The following CCDC192 variants were observed in gnomAD, a reference collection of about 807,000 sequenced individuals.
The protein encoded by CCDC192 is coiled-coil domain-containing protein 192.
intron 5 of CCDC192, among the ~76,000 whole-genome samples, chr5:127,832,801 A>C (rs1330185320): frequency 1.3e-5 from 2 of 152,132 alleles, no homozygotes; most frequent in Non-Finnish European, 2.9e-5. Flanking sequence ...AAACCAAACA[A>C]AATAAAAATT....
chr5:127,703,343 A>C, upstream of CCDC192: 1 of 398,304 alleles, frequency 2.5e-6, no homozygotes, highest in Non-Finnish European at 4.4e-6. Flanking sequence ...GTAGCCTAGC[A>C]ACAAGGGACA....
intron 5 of CCDC192, among the ~76,000 whole-genome samples, chr5:127,853,236 A>G (rs1402504549): frequency 6.6e-6 from 1 of 152,208 alleles, no homozygotes; most frequent in Non-Finnish European, 1.5e-5. Flanking sequence ...GGGACTATCT[A>G]TGCCCCATAT....
chr5:127,793,625 A>G (rs778899536), intron 3 of CCDC192, among the ~76,000 whole-genome samples: 1 of 152,236 alleles, frequency 6.6e-6, no homozygotes, highest in Non-Finnish European at 1.5e-5. Context: ...GCATTAAAGC[A>G]TTTAGTTTCT....
intron 6 of CCDC192, among the ~76,000 whole-genome samples, chr5:127,888,649 G>A (rs987397174): frequency 2.6e-5 from 4 of 152,086 alleles, no homozygotes; most frequent in African/African-American, 9.7e-5. Context: ...AGAAGCAAAA[G>A]TTAGAATTGA....
chr5:127,904,929 C>T (rs1490702579), intron 6 of CCDC192, among the ~76,000 whole-genome samples: 1 of 152,050 alleles, frequency 6.6e-6, no homozygotes, highest in African/African-American at 2.4e-5. Flanking sequence ...CAGATGTCAC[C>T]TTCCAGGCTC....
At chr5:127,776,699 C>T (rs1367635720) in intron 3 of CCDC192, among the ~76,000 whole-genome samples, 1 of 152,188 alleles carries the variant, frequency 6.6e-6, no homozygotes, top group Non-Finnish European at 1.5e-5. Flanking sequence ...GGCCCATGGT[C>T]CCTCTGCTGT....
intron 2 of CCDC192, among the ~76,000 whole-genome samples, chr5:127,715,083 A>G (rs1751554827): frequency 1.3e-5 from 2 of 151,908 alleles, no homozygotes; most frequent in African/African-American, 2.4e-5. Context: ...TTGTTTCTTC[A>G]CTATATTGAT....
chr5:127,825,588 C>T (rs1184722431), intron 5 of CCDC192, among the ~76,000 whole-genome samples: 1 of 152,228 alleles, frequency 6.6e-6, no homozygotes, highest in African/African-American at 2.4e-5. Context: ...AAGGTCCACA[C>T]CCCTAGGTGC....
At chr5:127,760,070 A>C (rs922298542) in intron 3 of CCDC192, among the ~76,000 whole-genome samples, 1 of 152,196 alleles carries the variant, frequency 6.6e-6, no homozygotes, top group Non-Finnish European at 1.5e-5. Flanking sequence ...CATACCTAGC[A>C]AAATATAGTT....
At chr5:127,776,771 A>C (rs1027598918) in intron 3 of CCDC192, among the ~76,000 whole-genome samples, 1 of 152,218 alleles carries the variant, frequency 6.6e-6, no homozygotes, top group African/African-American at 2.4e-5. Flanking sequence ...AAAAGGGGCC[A>C]AGGTACAGTT....
In CCDC192 at chr5:127,741,918, A is replaced by G. The variant is rs547500002; in HGVS notation, c.115-12350A>G. On this transcript the variant is annotated intron_variant, in intron 2 of 6. Transcript: ENST00000514853. ...ATCAAAGAGGAAGGAACAAAGCCCT[A>G]AAGCACAAAGCAGTATATTAGGAGT... 1.2e-4 allele frequency among the ~76,000 whole-genome samples: 18 copies of G among 152,322 alleles called. No homozygotes were observed. The East Asian group carries it at 1.7e-3, about 15-fold the overall frequency.
chr5:127,703,186 G>A (rs1750777429), upstream of CCDC192, among the ~76,000 whole-genome samples: 1 of 152,204 alleles, frequency 6.6e-6, no homozygotes, highest in Non-Finnish European at 1.5e-5. Context: ...CTTTGAATGA[G>A]TTTTCCAGAA....
intron 2 of CCDC192, among the ~76,000 whole-genome samples, chr5:127,732,746 A>T (rs1752712983): frequency 6.6e-6 from 1 of 152,214 alleles, no homozygotes; most frequent in Non-Finnish European, 1.5e-5. Context: ...TAGGAACAGA[A>T]AACCAAACAC....
intron 3 of CCDC192, chr5:127,786,245 G>A: frequency 1.4e-6 from 1 of 701,990 alleles, no homozygotes; most frequent in Non-Finnish European, 2.6e-6. Context: ...TGTTCCTGAA[G>A]CACACAAGCC....
At chr5:127,815,238 A>G (rs1230378768) in intron 5 of CCDC192, among the ~76,000 whole-genome samples, 1 of 152,192 alleles carries the variant, frequency 6.6e-6, no homozygotes. Context: ...GAAAGAGTCG[A>G]TGGATATTTG....
intron 3 of CCDC192, among the ~76,000 whole-genome samples, chr5:127,759,280 C>T (rs1215092958): frequency 1.3e-5 from 2 of 151,934 alleles, no homozygotes; most frequent in Admixed American, 6.6e-5. Context: ...GTCCCCCTGC[C>T]AAAAAGAAAA....
chr5:127,724,699 A>G (rs1403951108), intron 2 of CCDC192, among the ~76,000 whole-genome samples: 5 of 152,138 alleles, frequency 3.3e-5, no homozygotes, highest in Admixed American at 1.3e-4. Context: ...AAATACAAAA[A>G]TTATCAGGGT....
intron 6 of CCDC192, among the ~76,000 whole-genome samples, chr5:127,918,604 C>T (rs73786961): frequency 1.2e-3 from 179 of 152,286 alleles, no homozygotes; most frequent in African/African-American, 4.2e-3. Context: ...TGCATTACTC[C>T]ATTTACACTT....
chr5:127,906,305 C>T (rs1324943540), intron 6 of CCDC192, among the ~76,000 whole-genome samples: 1 of 152,126 alleles, frequency 6.6e-6, no homozygotes, highest in Non-Finnish European at 1.5e-5. Flanking sequence ...GTTTATTTCA[C>T]TTAGGAAATG....
Sources: allele counts gnomAD v4.1 joint callset (sites outside exome capture counted in the v4.1 genomes callset), GRCh38; gene constraint gnomAD v4.1.1; transcripts MANE v1.5; gene names NCBI Gene and HGNC (gene_info 2026-07-23, HGNC 2026-07-21).